The following BCAR3 variants were observed in gnomAD, a reference collection of about 807,000 sequenced individuals.
BCAR3 encodes the protein breast cancer anti-estrogen resistance protein 3.
A neutral mutation model predicts 80.1 loss-of-function variants in BCAR3; 37 were observed. The ratio of observed to expected loss-of-function variants is 0.46; its 90% CI spans 0.36 to 0.61. The LOEUF (loss-of-function observed/expected upper bound fraction) is 0.61. BCAR3 is among the 20% of genes least tolerant of loss of function. The probability of loss-of-function intolerance (pLI) is 0.00; values close to 1 mark genes in which losing one functional copy is unlikely to be tolerated. For missense variants in BCAR3, 978 were observed against 1,068.2 expected (o/e 0.92, Z 1.18); for synonymous variants, 389 against 418.9 (o/e 0.93, Z 0.87).
chr1:93,738,990 C>G (rs1455130273), intron 2 of BCAR3, among the ~76,000 whole-genome samples: 1 of 152,010 alleles, frequency 6.6e-6, no homozygotes, highest in African/African-American at 2.4e-5. Context: ...CTGACCCCAC[C>G]CAAGCAACTG....
At chr1:93,842,746 T>G (rs1273425532) in intron 2 of BCAR3, among the ~76,000 whole-genome samples, 1 of 152,232 alleles carries the variant, frequency 6.6e-6, no homozygotes, top group African/African-American at 2.4e-5. Context: ...GTATCTGGCC[T>G]GGATCCTACC....
chr1:93,811,527 C>T (rs1653840521), intron 2 of BCAR3, among the ~76,000 whole-genome samples: 1 of 152,182 alleles, frequency 6.6e-6, no homozygotes, highest in African/African-American at 2.4e-5. Flanking sequence ...AAGACTCTTC[C>T]CTTTCCTTTA....
intron 2 of BCAR3, among the ~76,000 whole-genome samples, chr1:93,755,236 A>T (rs952975718): frequency 1.3e-5 from 2 of 152,260 alleles, no homozygotes; most frequent in African/African-American, 4.8e-5. Context: ...AAAGTTAAAA[A>T]GTTAATGTAT....
intron 2 of BCAR3, among the ~76,000 whole-genome samples, chr1:93,735,464 G>T (rs948677332): frequency 6.6e-6 from 1 of 152,156 alleles, no homozygotes; most frequent in African/African-American, 2.4e-5. Flanking sequence ...TTTGCTTTCG[G>T]AGACCACATC....
At chr1:93,606,938 C>A (rs908996020) in intron 3 of BCAR3, among the ~76,000 whole-genome samples, 5 of 152,196 alleles carry the variant, frequency 3.3e-5, no homozygotes, top group African/African-American at 1.2e-4. Flanking sequence ...CAGAATTGGA[C>A]AGCATCCGCT....
chr1:93,567,815 G>A lies in BCAR3; in HGVS notation c.2011C>T (p.His671Tyr), dbSNP rs775087565. The stretch of plus-strand genomic sequence containing the variant: ...AGAATGGCAGTTTGGGTGTACTGGT[G>A]CCGCAGAGCAGTCCACGTCTTTTCT... ...RLEKTWTALR[H>Y]QYTQTAILYE... The change falls in exon 10 of 12, where the codon CAC becomes TAC. Residue 671 changes from histidine to tyrosine, a missense_variant. Physicochemically the swap from His to Tyr is moderately conservative, Grantham distance 83. Transcript: ENST00000260502. 2.5e-6 allele frequency: 4 copies of A among 1,614,088 alleles called. No individual in the cohort carries two copies. The Admixed American group carries it at 6.7e-5, about 27-fold the overall frequency.
At chr1:93,832,015 G>A (rs986720488) in intron 2 of BCAR3, among the ~76,000 whole-genome samples, 3 of 151,962 alleles carry the variant, frequency 2.0e-5, no homozygotes, top group Non-Finnish European at 4.4e-5. Context: ...ATGCTTTACC[G>A]CCCTAGACCC....
rs918454090 is a variant in BCAR3, at chr1:93,638,546, G to A, written c.357+3758C>T. Among the ~76,000 whole-genome samples, 3 of 151,990 alleles carry A rather than the reference G, an allele frequency of 2.0e-5. No individual in the cohort carries two copies. The East Asian group carries it at 5.8e-4, about 29-fold the overall frequency. On this transcript the variant is annotated intron_variant, in intron 3 of 11. Coordinates refer to ENST00000260502, the MANE Select transcript of BCAR3 (RefSeq NM_003567.4). ...AATTCTACTTCATAATTTTGCCTAG[G>A]GTTATTGGCTCTAAAAGATATTTCC...
At chr1:93,757,692 T>C (rs1202035422) in intron 2 of BCAR3, among the ~76,000 whole-genome samples, 1 of 152,084 alleles carries the variant, frequency 6.6e-6, no homozygotes, top group Non-Finnish European at 1.5e-5. Context: ...ACCCTCCCAA[T>C]CTCTTGGGTG....
chr1:93,683,528 G>A (rs926590076), upstream of BCAR3, among the ~76,000 whole-genome samples: 6 of 151,924 alleles, frequency 3.9e-5, no homozygotes, highest in Non-Finnish European at 8.8e-5. Flanking sequence ...TCTTTATGAC[G>A]GCCAAAAAGA....
chr1:93,722,864 C>T (rs748911802), intron 2 of BCAR3, among the ~76,000 whole-genome samples: 6 of 152,072 alleles, frequency 3.9e-5, no homozygotes, highest in African/African-American at 7.2e-5. Flanking sequence ...CACACAAGAG[C>T]GACAGGATTA....
At chr1:93,726,533 T>C (rs1416531584) in intron 2 of BCAR3, among the ~76,000 whole-genome samples, 1 of 152,238 alleles carries the variant, frequency 6.6e-6, no homozygotes, top group Non-Finnish European at 1.5e-5. Flanking sequence ...TAGGGAGTTT[T>C]CCTGTCTATG....
At chr1:93,697,010 A>T (rs1263502380) in intron 3 of BCAR3, among the ~76,000 whole-genome samples, 1 of 152,178 alleles carries the variant, frequency 6.6e-6, no homozygotes, top group Non-Finnish European at 1.5e-5. Context: ...CCGTGCACCC[A>T]CAAATGTGTC....
chr1:93,680,696 G>A (rs1336295730), intron 1 of BCAR3, among the ~76,000 whole-genome samples: 2 of 152,248 alleles, frequency 1.3e-5, no homozygotes, highest in East Asian at 3.8e-4. Context: ...AGCGAAAACA[G>A]ATATGAGGTT....
At chr1:93,613,895 T>C (rs1187607242) in intron 3 of BCAR3, 1 of 1,550,478 alleles carries the variant, frequency 6.4e-7, no homozygotes, top group Non-Finnish European at 8.7e-7. Flanking sequence ...ACAGAGCTGC[T>C]GAGAGGGCGT....
At chr1:93,789,982 G>C (rs1412541269) in intron 2 of BCAR3, among the ~76,000 whole-genome samples, 1 of 152,094 alleles carries the variant, frequency 6.6e-6, no homozygotes, top group African/African-American at 2.4e-5. Flanking sequence ...AAAGTTAATG[G>C]GAAGCCCTTC....
upstream of BCAR3, among the ~76,000 whole-genome samples, chr1:93,685,166 T>C (rs577713531): frequency 1.8e-4 from 27 of 152,340 alleles, no homozygotes; most frequent in African/African-American, 6.5e-4. Flanking sequence ...TTAAATATAA[T>C]TTTTTGACTA....
chr1:93,656,458 T>C (rs1030044734), intron 2 of BCAR3, among the ~76,000 whole-genome samples: 4 of 152,088 alleles, frequency 2.6e-5, no homozygotes, highest in African/African-American at 9.7e-5. Flanking sequence ...ATATTTTTAT[T>C]GATTATAGTT....
Position 93,585,298 on chromosome 1 carries a change from C to T in BCAR3, c.930-1177G>A, listed in dbSNP as rs539687768. The T allele has an allele frequency of 2.2e-4, 162 of 744,824 alleles. No homozygotes were observed. The African/African-American group carries it at 2.9e-3, about 13-fold the overall frequency. The allele number at this position is 744,824 out of a possible 1,614,324, so 46.1% of individuals were successfully genotyped here. Reference sequence around the variant, plus strand: ...ACTGAAGGACACTGGGGCAGGGCAGCAGGCCATGAGCCATCTTTTCCCCTC... The same window carrying T: ...ACTGAAGGACACTGGGGCAGGGCAGTAGGCCATGAGCCATCTTTTCCCCTC... On this transcript the variant is annotated intron_variant, in intron 5 of 11. Transcript: ENST00000260502.
Sources: gnomAD v4.1 joint callset for allele counts (sites outside exome capture counted in the v4.1 genomes callset) on GRCh38, gnomAD v4.1.1 for gene constraint, MANE v1.5 for transcripts, NCBI Gene and HGNC (gene_info 2026-07-23, HGNC 2026-07-21) for gene names.